RYR3: variants seen among roughly 807,000 people sequenced by gnomAD.
The protein encoded by RYR3 is brain ryanodine receptor-calcium release channel.
In RYR3, 207 loss-of-function variants were observed where a neutral mutation model predicts 584.3. The observed-to-expected ratio is 0.35, with a 90% CI of 0.32 to 0.40. The LOEUF (loss-of-function observed/expected upper bound fraction) is 0.40, where lower values mean the gene tolerates loss of function less well. Ranked by LOEUF, RYR3 falls within the 10% of genes least tolerant of loss-of-function variation. The pLI, the probability that RYR3 is intolerant of heterozygous loss-of-function variation, is 1.00. For missense variants in RYR3, 5,616 were observed against 6,089.2 expected (o/e 0.92, Z 2.59); for synonymous variants, 2,416 against 2,248.5 (o/e 1.07, Z -2.11).
intron 28 of RYR3, 25 bp downstream of exon 28, chr15:33,644,544 C>G: frequency 1.3e-6 from 2 of 1,585,194 alleles, no homozygotes; most frequent in Non-Finnish European, 1.7e-6. Context: ...TGTGTGTGGC[C>G]CTGGCAGGTC....
At chr15:33,768,798 G>C in intron 61 of RYR3, 91 bp downstream of exon 61, 1 of 1,273,366 alleles carries the variant, frequency 7.9e-7, no homozygotes, top group Non-Finnish European at 1.1e-6. Flanking sequence ...CAGACAACCC[G>C]GGCCTTGGGA....
Position 33,838,735 on chromosome 15 carries a change from G to A in RYR3, c.12755G>A (p.Arg4252Lys), listed in dbSNP as rs2152981283. ...CATGATGACACTATGGAGGCTGAGA[G>A]GGCAGAGGTGATGGAGCCAGGTATC... ...GIHDDTMEAERAEVMEPGITT... is the reference protein window; with the variant it reads ...GIHDDTMEAEKAEVMEPGITT... Residue 4252 changes from arginine to lysine, a missense_variant, in exon 89 of 104, where the codon AGG becomes AAG. Around this residue, in one of 9 missense-constraint regions of RYR3, gnomAD observed 918 missense variants for 887.4 expected, o/e 1.03. Transcript: ENST00000634891. The A allele has an allele frequency of 6.2e-7, 1 of 1,613,894 alleles. No individual in the cohort carries two copies. The highest frequency in any genetic ancestry group is 8.5e-7 in the Non-Finnish European group (1 of 1,179,870).
chr15:33,555,074 T>C (rs1461276194), intron 10 of RYR3, among the ~76,000 whole-genome samples: 10 of 152,182 alleles, frequency 6.6e-5, no homozygotes, highest in Non-Finnish European at 1.3e-4. Flanking sequence ...TTAGAGGAAA[T>C]TTTTTCTCAC....
At chr15:33,518,731 C>T (rs2053734032) in intron 3 of RYR3, among the ~76,000 whole-genome samples, 1 of 152,154 alleles carries the variant, frequency 6.6e-6, no homozygotes, top group Admixed American at 6.5e-5. Context: ...TTCCAGTTGT[C>T]AGAAAAGCTA....
In RYR3 at chr15:33,837,799, C is replaced by A; in HGVS notation, c.11819C>A (p.Ser3940Tyr). Residue 3940 changes from serine to tyrosine, a missense_variant, in exon 89 of 104, where the codon TCC becomes TAC. This residue lies in a region of RYR3 where 258 missense variants were observed against 297.3 expected (regional missense o/e 0.87). Transcript: ENST00000634891. ...GACCCAGATGGTAAAGGAATTATCT[C>A]CAAAAAAGAATTCCAGAAGGCCATG... ...EYDPDGKGII[S>Y]KKEFQKAMEG... 6.2e-7 allele frequency: 1 copy of A among 1,613,876 alleles called. No homozygotes were observed. The highest frequency in any genetic ancestry group is 1.7e-5 in the Admixed American group (1 of 60,004).
At chr15:33,455,879 C>T (rs1187018782) in intron 1 of RYR3, among the ~76,000 whole-genome samples, 4 of 152,122 alleles carry the variant, frequency 2.6e-5, no homozygotes, top group East Asian at 3.9e-4. Flanking sequence ...TATGCAGCCA[C>T]GAAGCTCAAG....
At chr15:33,456,707 G>A (rs1271526701) in intron 1 of RYR3, among the ~76,000 whole-genome samples, 1 of 152,192 alleles carries the variant, frequency 6.6e-6, no homozygotes, top group East Asian at 1.9e-4. Context: ...CCTTCTCAGG[G>A]TTTTGCTAGA....
chr15:33,680,563 C>A (rs938131485), intron 38 of RYR3, among the ~76,000 whole-genome samples: 9 of 152,160 alleles, frequency 5.9e-5, no homozygotes, highest in African/African-American at 2.2e-4. Context: ...CCTGGTATTG[C>A]AAGCAAGGAT....
At chr15:33,479,993 A>G (rs1206221636) in intron 2 of RYR3, among the ~76,000 whole-genome samples, 2 of 152,208 alleles carry the variant, frequency 1.3e-5, no homozygotes, top group African/African-American at 4.8e-5. Context: ...TCTTCAAAGT[A>G]AGTTTCTAAA....
intron 18 of RYR3, among the ~76,000 whole-genome samples, chr15:33,608,141 C>G (rs1249720686): frequency 1.3e-5 from 2 of 152,198 alleles, no homozygotes. Context: ...ACAAATAACT[C>G]TCTTTATAGC....
intron 48 of RYR3, among the ~76,000 whole-genome samples, chr15:33,735,971 G>A (rs549129047): frequency 3.9e-5 from 6 of 152,128 alleles, no homozygotes; most frequent in Non-Finnish European, 5.9e-5. Flanking sequence ...TATATTTTGA[G>A]TATGCATATA....
chr15:33,718,170 C>G (rs1369584611), intron 43 of RYR3, among the ~76,000 whole-genome samples: 1 of 152,056 alleles, frequency 6.6e-6, no homozygotes, highest in Admixed American at 6.5e-5. Context: ...TGAGGTGGGA[C>G]TTGATTGGGA....
intron 1 of RYR3, among the ~76,000 whole-genome samples, chr15:33,465,560 C>CCATA (rs148322664): frequency 0.022 from 3,318 of 152,144 alleles, 55 homozygotes; most frequent in Non-Finnish European, 0.028. Context: ...ACCTTGTAGG[C>CCATA]CATAGTAAGA....
At chr15:33,604,928 G>A (rs777871058) in intron 18 of RYR3, among the ~76,000 whole-genome samples, 3 of 152,152 alleles carry the variant, frequency 2.0e-5, no homozygotes, top group Non-Finnish European at 2.9e-5. Flanking sequence ...GAATTAACAA[G>A]ACTGACTTGT....
At chr15:33,810,770 T>C (rs1481445113) in intron 71 of RYR3, 121 bp downstream of exon 71, 2 of 1,287,466 alleles carry the variant, frequency 1.6e-6, no homozygotes, top group South Asian at 1.4e-5. Context: ...CAGAAACCAG[T>C]GTGTATGGAG....
At chr15:33,339,771 C>T (rs1971587167) in intron 1 of RYR3, among the ~76,000 whole-genome samples, 1 of 150,582 alleles carries the variant, frequency 6.6e-6, no homozygotes, top group African/African-American at 2.4e-5. Flanking sequence ...CGCCTGTAGT[C>T]CCAGCTACTC....
intron 88 of RYR3, among the ~76,000 whole-genome samples, chr15:33,837,358 G>A (rs1008895089): frequency 6.6e-6 from 1 of 152,148 alleles, no homozygotes; most frequent in African/African-American, 2.4e-5. Context: ...GTATCCCTAT[G>A]TGTCCCTGAT....
At chr15:33,808,521 A>G (rs2076328884) in intron 70 of RYR3, among the ~76,000 whole-genome samples, 1 of 152,244 alleles carries the variant, frequency 6.6e-6, no homozygotes, top group Non-Finnish European at 1.5e-5. Flanking sequence ...CATACTGTGT[A>G]TTACCATTTA....
chr15:33,706,032 T>C (rs1233197328), intron 42 of RYR3, among the ~76,000 whole-genome samples: 2 of 152,180 alleles, frequency 1.3e-5, no homozygotes, highest in African/African-American at 4.8e-5. Context: ...ATAATCAATC[T>C]TGTTAATCAC....
Sources: gnomAD v4.1 joint callset for allele counts (sites outside exome capture counted in the v4.1 genomes callset) on GRCh38, gnomAD v4.1.1 for gene constraint, gnomAD v4.1.1 regional missense constraint, MANE v1.5 for transcripts, NCBI Gene and HGNC (gene_info 2026-07-23, HGNC 2026-07-21) for gene names.